Variants in TMEM233 observed in about 807,000 individuals in gnomAD.
TMEM233 encodes transmembrane protein 233, also known as dispanin subfamily B member 2.
A neutral mutation model predicts 11.2 loss-of-function variants in TMEM233; 6 were observed. The ratio of observed to expected loss-of-function variants is 0.54; its 90% CI spans 0.29 to 1.06. The LOEUF (loss-of-function observed/expected upper bound fraction) is 1.06, where lower values mean the gene tolerates loss of function less well. Among genes scored for constraint, TMEM233 ranks in the 50% least tolerant of loss-of-function variants. The pLI, the probability that TMEM233 is intolerant of heterozygous loss-of-function variation, is 0.08. For missense variants in TMEM233, 127 were observed against 144.7 expected (o/e 0.88, Z 0.63); for synonymous variants, 59 against 55.8 (o/e 1.06, Z -0.26).
Position 119,640,809 on chromosome 12 carries a change from C to A in TMEM233, c.*104C>A. ...GATCCTTGACTTCAGACTGTGAGAT[C>A]TTTTCCTCCAGGACTCTCCAGAGGC... On this transcript the variant is annotated 3_prime_UTR_variant, in exon 3 of 3. Coordinates refer to ENST00000426426, the MANE Select transcript of TMEM233 (RefSeq NM_001136534.3). The A allele has an allele frequency of 1.2e-5, 15 of 1,296,864 alleles. No individual in the cohort carries two copies. The highest frequency in any genetic ancestry group is 1.6e-5 in the Non-Finnish European group (15 of 930,858). The allele number at this position is 1,296,864 out of a possible 1,614,324, so 80.3% of individuals were successfully genotyped here. A position where few individuals can be genotyped will look rare whatever the true frequency, so the allele number is the denominator to read the frequency against.
At position 119,641,652 on chromosome 12, in the gene TMEM233, T is replaced by C. The variant is rs1230411051; in HGVS notation, c.*947T>C. ...TGAATGTACTGGTTTAATGATGCCA[T>C]TATTCTGCCTGCCAGAACGCAGTAA... On this transcript the variant is annotated 3_prime_UTR_variant, in exon 3 of 3. Coordinates refer to ENST00000426426, the MANE Select transcript of TMEM233 (RefSeq NM_001136534.3). 6.6e-6 allele frequency: 1 copy of C among 152,214 alleles called. No homozygotes were observed. The highest frequency in any genetic ancestry group is 1.5e-5 in the Non-Finnish European group (1 of 68,038). The allele number at this position is 152,214 out of a possible 1,614,324, so 9.4% of individuals were successfully genotyped here. A position where few individuals can be genotyped will look rare whatever the true frequency, so the allele number is the denominator to read the frequency against.
chr12:119,640,231 T>C (rs1177803118), intron 2 of TMEM233, among the ~76,000 whole-genome samples: 2 of 152,224 alleles, frequency 1.3e-5, no homozygotes, highest in Non-Finnish European at 2.9e-5. Context: ...CTCGGCTCAC[T>C]GCAAGCTCCG....
the TMEM233 span, among the ~76,000 whole-genome samples, chr12:119,649,986 G>A: frequency 6.6e-6 from 1 of 150,566 alleles, no homozygotes; most frequent in East Asian, 2.0e-4. Flanking sequence ...TTGAAACCCC[G>A]TCTCTACTAA....
At chr12:119,632,580 C>T (rs1165428719) in intron 2 of TMEM233, among the ~76,000 whole-genome samples, 1 of 152,118 alleles carries the variant, frequency 6.6e-6, no homozygotes, top group East Asian at 1.9e-4. Context: ...GAAGGACATA[C>T]ATGAGGTAGC....
intron 1 of TMEM233, among the ~76,000 whole-genome samples, chr12:119,607,699 C>T (rs796169427): frequency 7.9e-5 from 12 of 151,824 alleles, no homozygotes; most frequent in African/African-American, 2.9e-4. Context: ...GCCCCCACCT[C>T]CCGGGCCCAA....
At chr12:119,627,287 C>T (rs1254147845) in intron 1 of TMEM233, among the ~76,000 whole-genome samples, 1 of 152,220 alleles carries the variant, frequency 6.6e-6, no homozygotes, top group Non-Finnish European at 1.5e-5. Flanking sequence ...ATTCTCTGGA[C>T]AGAGAGGCAA....
chr12:119,599,420 T>A (rs913467987), intron 1 of TMEM233, among the ~76,000 whole-genome samples: 2 of 134,682 alleles, frequency 1.5e-5, no homozygotes, highest in African/African-American at 5.0e-5. Flanking sequence ...ACACTTACTA[T>A]GTGCCCAGAA....
chr12:119,644,803 G>A (rs1018613998), downstream of TMEM233, among the ~76,000 whole-genome samples: 23 of 152,130 alleles, frequency 1.5e-4, no homozygotes, highest in African/African-American at 4.8e-4. Context: ...CAATTTCCCC[G>A]TGGTGTTGTC....
At chr12:119,628,569 G>A (rs545740172) in intron 1 of TMEM233, among the ~76,000 whole-genome samples, 17 of 131,860 alleles carry the variant, frequency 1.3e-4, no homozygotes, top group African/African-American at 3.5e-4. Flanking sequence ...GCACGATCTT[G>A]GCTCACTGCA....
At chr12:119,620,985 A>G (rs941665518) in intron 1 of TMEM233, among the ~76,000 whole-genome samples, 12 of 151,630 alleles carry the variant, frequency 7.9e-5, no homozygotes, top group African/African-American at 2.9e-4. Flanking sequence ...CGCTCAAGCA[A>G]TCCTCTCGCC....
Position 119,599,114 on chromosome 12 carries a change from C to T in TMEM233, c.186+5080C>T, listed in dbSNP as rs115478730. 1.9e-3 allele frequency among the ~76,000 whole-genome samples: 282 copies of T among 152,282 alleles called. 1 individual carries two copies. The highest frequency in any genetic ancestry group is 6.2e-3 in the African/African-American group (257 of 41,560). On this transcript the variant is annotated intron_variant, in intron 1 of 2. Coordinates refer to ENST00000426426, the MANE Select transcript of TMEM233 (RefSeq NM_001136534.3). Reference sequence around the variant, plus strand: ...TAAATATTAATGCCAAACTGAAACACATACAAATAAGCAAAGAGGACTTTC... The same window carrying T: ...TAAATATTAATGCCAAACTGAAACATATACAAATAAGCAAAGAGGACTTTC...
intron 2 of TMEM233, chr12:119,631,377 A>G (rs1361069077): frequency 1.6e-5 from 6 of 380,420 alleles, no homozygotes; most frequent in African/African-American, 4.4e-5. Flanking sequence ...GTCATGGTAG[A>G]TCCACTTCCT....
chr12:119,594,297 TC>T lies in TMEM233; in HGVS notation c.186+266del, dbSNP rs949491524. 15 of 445,942 alleles carry T rather than the reference TC, an allele frequency of 3.4e-5. No individual in the cohort carries two copies. The highest frequency in any genetic ancestry group is 2.2e-4 in the African/African-American group (11 of 49,802). The allele number at this position is 445,942 out of a possible 1,614,324, so 27.6% of individuals were successfully genotyped here. ...GGCTAGCTTTCCTCTTCTTTCCAGCTCCCAGGGTGCGTTTCCTCTCCAACCC... is the reference window on the plus strand; with the variant it reads ...GGCTAGCTTTCCTCTTCTTTCCAGCTCCAGGGTGCGTTTCCTCTCCAACCC... On this transcript the variant is annotated intron_variant, in intron 1 of 2. Coordinates refer to ENST00000426426, the MANE Select transcript of TMEM233 (RefSeq NM_001136534.3). This position sits in a 1 kb window ranked among gnomAD's most constrained non-coding sequence, Gnocchi z 5.6.
At chr12:119,596,917 A>G (rs927307940) in intron 1 of TMEM233, among the ~76,000 whole-genome samples, 17 of 152,386 alleles carry the variant, frequency 1.1e-4, no homozygotes, top group East Asian at 5.8e-4. Flanking sequence ...TCTTAGCACT[A>G]TGCTAGGTAC....
In TMEM233 at chr12:119,640,763, C is replaced by T; in HGVS notation, c.*58C>T. 6.5e-7 allele frequency: 1 copy of T among 1,546,032 alleles called. No individual in the cohort carries two copies. On this transcript the variant is annotated 3_prime_UTR_variant, in exon 3 of 3. Coordinates refer to ENST00000426426, the MANE Select transcript of TMEM233 (RefSeq NM_001136534.3). ...GGATGGACCTCATCCACACACACCC[C>T]AAAGGAGTTTCTAAGGAATGGATCC...
At chr12:119,653,628 A>T in the TMEM233 span, among the ~76,000 whole-genome samples, 1,157 of 152,006 alleles carry the variant, frequency 7.6e-3, 11 homozygotes, top group African/African-American at 0.02. Context: ...AAAATTAAAA[A>T]ATTTTTTAAA....
chr12:119,624,730 G>A (rs184689285), intron 1 of TMEM233, among the ~76,000 whole-genome samples: 1 of 152,130 alleles, frequency 6.6e-6, no homozygotes, highest in East Asian at 1.9e-4. Flanking sequence ...TTTCCATTGG[G>A]GAAGATGAAA....
At chr12:119,647,627 T>G (rs1381273851), downstream of TMEM233, among the ~76,000 whole-genome samples, 1 of 152,168 alleles carries the variant, frequency 6.6e-6, no homozygotes, top group Non-Finnish European at 1.5e-5. Context: ...TTTTTTAACT[T>G]CAAGTTCTGG....
Position 119,617,292 on chromosome 12 carries a change from G to A in TMEM233, c.187-12444G>A, listed in dbSNP as rs144243334. Among the ~76,000 whole-genome samples the A allele has an allele frequency of 2.2e-3, 333 of 152,286 alleles. 1 individual carries two copies. Among genetic ancestry groups the A allele is most frequent in the Non-Finnish European group, 3.8e-3 (261 of 68,022 alleles). The stretch of plus-strand genomic sequence containing the variant: ...TGACCAAAATGCTGATAGTAATATG[G>A]ACAATGAAGTCCAGGCTAAGGTGGT... On this transcript the variant is annotated intron_variant, in intron 1 of 2. Coordinates refer to ENST00000426426, the MANE Select transcript of TMEM233 (RefSeq NM_001136534.3).
Sources: gnomAD v4.1 joint callset for allele counts (sites outside exome capture counted in the v4.1 genomes callset) on GRCh38, gnomAD v4.1.1 for gene constraint, Gnocchi (gnomAD v3.1) non-coding constraint, MANE v1.5 for transcripts, NCBI Gene and HGNC (gene_info 2026-07-23, HGNC 2026-07-21) for gene names.